Variants in SNX25 observed in about 807,000 individuals in gnomAD.
The protein encoded by SNX25 is sorting nexin 25.
A neutral mutation model predicts 113.7 loss-of-function variants in SNX25; 62 were observed. The observed-to-expected ratio is 0.55, with a 90% CI of 0.44 to 0.67. The LOEUF (loss-of-function observed/expected upper bound fraction) is 0.67. Ranked by LOEUF, SNX25 falls within the 30% of genes least tolerant of loss-of-function variation. SNX25 has a pLI of 0.00. For missense variants in SNX25, 1,014 were observed against 1,161.0 expected, an observed-to-expected ratio of 0.87 and a Z score of 1.84; for synonymous variants, 421 against 436.2, an observed-to-expected ratio of 0.97 and a Z score of 0.43.
At chr4:185,364,215 C>A (rs2095378658), downstream of SNX25, 1 of 151,940 alleles carries the variant, frequency 6.6e-6, no homozygotes, top group Non-Finnish European at 1.5e-5. Flanking sequence ...GGGAGCTGAC[C>A]CTTGGAGTAT....
intron 12 of SNX25, among the ~76,000 whole-genome samples, chr4:185,342,752 C>G (rs1324862229): frequency 6.6e-6 from 1 of 152,004 alleles, no homozygotes; most frequent in African/African-American, 2.4e-5. Flanking sequence ...TTGGAGGATT[C>G]TATCACATAT....
Position 185,332,690 on chromosome 4 carries a change from A to G in SNX25, c.1845A>G (p.Leu615=), listed in dbSNP as rs780386175. 1.2e-6 allele frequency: 2 copies of G among 1,614,156 alleles called. No homozygotes were observed. Among genetic ancestry groups the G allele is most frequent in the South Asian group, 1.1e-5 (1 of 91,080 alleles). Residue 615 remains leucine (L), a synonymous_variant, in exon 10 of 19, where the codon CTA becomes CTG. Coordinates refer to ENST00000652585, the MANE Select transcript of SNX25 (RefSeq NM_001378034.2). Reference sequence around the variant, plus strand: ...TTGCTGTAAACAAACTGCGAGAACTAAATGAGAAACTTGAATATAAAAGGC... The same window carrying G: ...TTGCTGTAAACAAACTGCGAGAACTGAATGAGAAACTTGAATATAAAAGGC... The part of the protein sequence containing the change: ...ASFAVNKLRE[L]NEKLEYKRQA...
At chr4:185,351,243 C>T (rs1439578838) in intron 13 of SNX25, among the ~76,000 whole-genome samples, 1 of 152,184 alleles carries the variant, frequency 6.6e-6, no homozygotes, top group Non-Finnish European at 1.5e-5. Context: ...TACTAGTTAA[C>T]CTGGAGGGGA....
intron 15 of SNX25, among the ~76,000 whole-genome samples, 186 bp downstream of exon 15, chr4:185,353,788 G>A (rs1035332209): frequency 2.6e-5 from 4 of 152,174 alleles, no homozygotes; most frequent in African/African-American, 9.7e-5. Context: ...GCTCACGCCT[G>A]TAATCCCAGC....
intron 7 of SNX25, among the ~76,000 whole-genome samples, chr4:185,312,630 C>T (rs1488058989): frequency 2.6e-5 from 4 of 151,666 alleles, no homozygotes; most frequent in African/African-American, 9.7e-5. Flanking sequence ...TCAGGCCATT[C>T]TCCTGCCTCA....
intron 2 of SNX25, among the ~76,000 whole-genome samples, chr4:185,253,553 C>T (rs899688371): frequency 5.9e-5 from 9 of 151,772 alleles, no homozygotes; most frequent in African/African-American, 1.5e-4. Context: ...CTGTAACCTC[C>T]GCCTCCTGGG....
chr4:185,241,223 C>T (rs1287566754), intron 1 of SNX25, among the ~76,000 whole-genome samples: 1 of 152,190 alleles, frequency 6.6e-6, no homozygotes, highest in Non-Finnish European at 1.5e-5. Flanking sequence ...CGTCTGCCAT[C>T]CCAGCACCTC....
chr4:185,248,074 A>G (rs1169719785), intron 2 of SNX25, among the ~76,000 whole-genome samples: 1 of 152,194 alleles, frequency 6.6e-6, no homozygotes, highest in Non-Finnish European at 1.5e-5. Flanking sequence ...ATATGTACAT[A>G]TATGTGTTTT....
chr4:185,321,178 GC>G (rs1276581170), intron 8 of SNX25, among the ~76,000 whole-genome samples: 3 of 151,036 alleles, frequency 2.0e-5, no homozygotes, highest in African/African-American at 7.3e-5. Flanking sequence ...AATGAATTTG[GC>G]CCCCTCACCT....
chr4:185,251,598 CGTGTGTGTGTGTGTGT>C (rs71593618), intron 2 of SNX25, among the ~76,000 whole-genome samples: 8,656 of 147,242 alleles, frequency 0.059, 359 homozygotes, highest in Non-Finnish European at 0.083. Context: ...TATTCCATTG[CGTGTGTGTGTGTGTGT>C]GTGTGTGTGT....
At chr4:185,333,251 C>A (rs1301187515) in intron 10 of SNX25, among the ~76,000 whole-genome samples, 1 of 152,170 alleles carries the variant, frequency 6.6e-6, no homozygotes, top group Non-Finnish European at 1.5e-5. Flanking sequence ...TGTGGTGTGG[C>A]TTTTTGCTTT....
chr4:185,282,151 G>C (rs1340632768), intron 5 of SNX25, among the ~76,000 whole-genome samples: 1 of 152,076 alleles, frequency 6.6e-6, no homozygotes, highest in Non-Finnish European at 1.5e-5. Context: ...CTGAGACTAA[G>C]GTTTGGCCAG....
intron 7 of SNX25, among the ~76,000 whole-genome samples, chr4:185,314,512 T>C (rs868224414): frequency 6.6e-6 from 1 of 151,990 alleles, no homozygotes; most frequent in African/African-American, 2.4e-5. Flanking sequence ...AATTTGACAA[T>C]TTAAATGGAA....
intron 2 of SNX25, among the ~76,000 whole-genome samples, chr4:185,250,863 A>G (rs566440844): frequency 1.3e-5 from 2 of 152,164 alleles, no homozygotes; most frequent in African/African-American, 4.8e-5. Context: ...TTAGTCTGAT[A>G]TAAGCTATTC....
At chr4:185,297,352 C>G (rs998746343) in intron 6 of SNX25, among the ~76,000 whole-genome samples, 3 of 152,196 alleles carry the variant, frequency 2.0e-5, no homozygotes, top group Non-Finnish European at 4.4e-5. Context: ...CTGCCCTACT[C>G]TAATCCTTTC....
chr4:185,276,276 A>G (rs1749664738), intron 5 of SNX25, among the ~76,000 whole-genome samples: 1 of 152,204 alleles, frequency 6.6e-6, no homozygotes, highest in Non-Finnish European at 1.5e-5. Flanking sequence ...ATTTCCCTCT[A>G]TTAGCCACCA....
chr4:185,372,960 G>A (rs1251158847), downstream of SNX25: 10 of 1,613,938 alleles, frequency 6.2e-6, no homozygotes, highest in Non-Finnish European at 7.6e-6. Context: ...CTTCTCTTAA[G>A]CACTGCAGGG....
At chr4:185,208,137 C>G (rs1225552090), upstream of SNX25, among the ~76,000 whole-genome samples, 1 of 152,004 alleles carries the variant, frequency 6.6e-6, no homozygotes, top group Admixed American at 6.6e-5. Flanking sequence ...GAGACGAAGT[C>G]TCACTCTGTT....
chr4:185,229,802 A>T (rs901592905), intron 1 of SNX25, among the ~76,000 whole-genome samples: 1 of 152,270 alleles, frequency 6.6e-6, no homozygotes, highest in Admixed American at 6.5e-5. Flanking sequence ...TTCCAGGAAA[A>T]TAAATGATTT....
Sources: gnomAD v4.1 joint callset for allele counts (sites outside exome capture counted in the v4.1 genomes callset) on GRCh38, gnomAD v4.1.1 for gene constraint, MANE v1.5 for transcripts, NCBI Gene and HGNC (gene_info 2026-07-23, HGNC 2026-07-21) for gene names.